CD9: variants seen among roughly 807,000 people sequenced by gnomAD.
The protein encoded by CD9 is CD9 antigen.
A neutral mutation model predicts 31.4 loss-of-function variants in CD9; 10 were observed. That is an observed-to-expected ratio of 0.32 (90% CI 0.20 to 0.54). The LOEUF is 0.54. Among genes scored for constraint, CD9 ranks in the 20% least tolerant of loss-of-function variants. The pLI is 0.94. For missense variants in CD9, 259 were observed against 300.1 expected (o/e 0.86, Z 1.01); for synonymous variants, 113 against 114.1 (o/e 0.99, Z 0.06).
chr12:6,216,715 C>T lies in CD9; in HGVS notation c.67-8711C>T, dbSNP rs1051919788. Among the ~76,000 whole-genome samples, 8 of 152,072 alleles carry T rather than the reference C, an allele frequency of 5.3e-5. No individual in the cohort carries two copies. The South Asian group carries it at 6.2e-4, about 12-fold the overall frequency. ...GAAGCAGATAAGTTTATCCATTTTCCTCCACTACCCAGCGCTCACACAGAC... is the reference window on the plus strand; with the variant it reads ...GAAGCAGATAAGTTTATCCATTTTCTTCCACTACCCAGCGCTCACACAGAC... On this transcript the variant is annotated intron_variant, in intron 1 of 7. Transcript: ENST00000009180.
At chr12:6,218,796 G>A (rs1427438807) in intron 1 of CD9, among the ~76,000 whole-genome samples, 1 of 152,098 alleles carries the variant, frequency 6.6e-6, no homozygotes, top group African/African-American at 2.4e-5. Context: ...GAGTGGGTGT[G>A]GCAAGGGATG....
Position 6,236,154 on chromosome 12 carries a change from G to C in CD9, c.538-38G>C, listed in dbSNP as rs1946520453. On this transcript the variant is annotated intron_variant, in intron 6 of 7. Transcript: ENST00000009180. ...AGGGAGGAGGTGCCCTGGGAGGAAG[G>C]ATTGTGTGTGACCCAGGTCTTGGTT... is the stretch of plus-strand genomic sequence containing the variant. 3 of 1,612,782 alleles carry C rather than the reference G, an allele frequency of 1.9e-6. No homozygotes were observed. In the East Asian group the frequency reaches 6.7e-5, roughly 36 times the overall value.
At chr12:6,224,787 GC>G (rs1946340952) in intron 1 of CD9, among the ~76,000 whole-genome samples, 1 of 152,110 alleles carries the variant, frequency 6.6e-6, no homozygotes, top group African/African-American at 2.4e-5. Flanking sequence ...GCGAGGGGAG[GC>G]CCTGGCATGT....
At chr12:6,235,159 G>T in intron 4 of CD9, 70 bp from the exon 5 acceptor site, 1 of 1,097,350 alleles carries the variant, frequency 9.1e-7, no homozygotes, top group Non-Finnish European at 1.4e-6. Flanking sequence ...AAGATGGAAC[G>T]CATAACATTT....
At chr12:6,213,277 A>C (rs1946210770) in intron 1 of CD9, among the ~76,000 whole-genome samples, 1 of 152,196 alleles carries the variant, frequency 6.6e-6, no homozygotes, top group Non-Finnish European at 1.5e-5. Context: ...TCATGAAACC[A>C]CATCACACAA....
intron 1 of CD9, chr12:6,200,934 C>T (rs1946068398): frequency 1.0e-5 from 2 of 198,620 alleles, no homozygotes; most frequent in Non-Finnish European, 2.0e-5. Context: ...CAGGGAGAAG[C>T]GGAGCACCCC....
At chr12:6,207,045 T>C (rs1946140376) in intron 1 of CD9, among the ~76,000 whole-genome samples, 1 of 152,002 alleles carries the variant, frequency 6.6e-6, no homozygotes, top group Non-Finnish European at 1.5e-5. Flanking sequence ...CACACCACTA[T>C]ACCCGGCTAA....
chr12:6,233,426 C>T lies in CD9; in HGVS notation c.288C>T (p.Leu96=), dbSNP rs989439633. The change falls in exon 4 of 8, where the codon CTC becomes CTT. Residue 96 remains leucine (L), a synonymous_variant. Transcript: ENST00000009180. The stretch of plus-strand genomic sequence containing the variant: ...TTGCCTTCCAGTTCTTCGGCTTCCT[C>T]TTGGTGATATTCGCCATTGAAATAG... ...QCMLGLFFGF[L]LVIFAIEIAA... 12 of 1,614,072 alleles carry T rather than the reference C, an allele frequency of 7.4e-6. No homozygotes were observed. The highest frequency in any genetic ancestry group is 1.7e-5 in the Admixed American group (1 of 60,024).
At position 6,223,332 on chromosome 12, in the gene CD9, G is replaced by A. The variant is rs1011232445; in HGVS notation, c.67-2094G>A. ...GCTGGAGTGCAGTGGCGCAATCTCC[G>A]CTCACTGCAAGCTCCGCCTCCCGGG... On this transcript the variant is annotated intron_variant, in intron 1 of 7. Coordinates refer to ENST00000009180, the MANE Select transcript of CD9 (RefSeq NM_001769.4). Among the ~76,000 whole-genome samples, 25 of 150,266 alleles carry A rather than the reference G, an allele frequency of 1.7e-4. 1 individual carries two copies. The highest frequency in any genetic ancestry group is 1.3e-3 in the Admixed American group (19 of 14,960).
Position 6,237,990 on chromosome 12 carries a change from G to A in CD9, c.*162G>A. On this transcript the variant is annotated 3_prime_UTR_variant, in exon 8 of 8. Transcript: ENST00000009180. ...TAAAAGCTGAAGTTACTTTATGTTT[G>A]TCTTTTAATGCTTCATTCAATATTG... The A allele has an allele frequency of 1.8e-6, 1 of 550,086 alleles. No individual in the cohort carries two copies. Among genetic ancestry groups the A allele is most frequent in the Non-Finnish European group, 3.3e-6 (1 of 304,402 alleles). 34.1% of individuals were successfully genotyped at this position (550,086 alleles called of 1,614,324 possible). A position where few individuals can be genotyped will look rare whatever the true frequency, so the allele number is the denominator to read the frequency against.
intron 1 of CD9, among the ~76,000 whole-genome samples, chr12:6,206,644 C>T (rs1429471599): frequency 1.3e-5 from 2 of 152,046 alleles, no homozygotes; most frequent in Admixed American, 6.6e-5. Flanking sequence ...GGCATGCAGC[C>T]GTAGAAAGCA....
intron 2 of CD9, among the ~76,000 whole-genome samples, chr12:6,228,854 G>A (rs1946404414): frequency 6.6e-6 from 1 of 152,216 alleles, no homozygotes; most frequent in Admixed American, 6.5e-5. Flanking sequence ...CCAACTGTCT[G>A]CAGAGCAACC....
Position 6,237,901 on chromosome 12 carries a change from TTTGTTTG to T in CD9, c.*90_*96del, listed in dbSNP as rs1314354693. 210 of 1,202,918 alleles carry T rather than the reference TTTGTTTG, an allele frequency of 1.7e-4. 3 individuals are homozygous for T. The highest frequency in any genetic ancestry group is 8.1e-4 in the African/African-American group (54 of 67,020). The allele number at this position is 1,202,918 out of a possible 1,614,324, so 74.5% of individuals were successfully genotyped here. On this transcript the variant is annotated 3_prime_UTR_variant, in exon 8 of 8. Transcript: ENST00000009180. ...GGGATTTTTTGTTTGTTTGTTTTGT[TTTGTTTG>T]TTGTTTGTTGTTTGTTTTTTTGCCA...
chr12:6,206,091 GCCTGT>G (rs1230556529), intron 1 of CD9: 1 of 149,524 alleles, frequency 6.7e-6, no homozygotes, highest in Non-Finnish European at 1.5e-5. Flanking sequence ...CTGGGTGAGA[GCCTGT>G]CAGACCCATG....
At chr12:6,215,893 T>C (rs973409402) in intron 1 of CD9, among the ~76,000 whole-genome samples, 1 of 152,216 alleles carries the variant, frequency 6.6e-6, no homozygotes, top group African/African-American at 2.4e-5. Flanking sequence ...GGAGTTTTGG[T>C]TTTCTTGTTC....
intron 2 of CD9, among the ~76,000 whole-genome samples, chr12:6,227,201 T>A (rs1420892584): frequency 4.0e-5 from 6 of 150,736 alleles, no homozygotes; most frequent in Admixed American, 6.6e-5. Context: ...TTTTTATTTT[T>A]TTTATTTTTT....
intron 1 of CD9, among the ~76,000 whole-genome samples, chr12:6,203,023 TAGG>T (rs1235303601): frequency 6.6e-6 from 1 of 152,160 alleles, no homozygotes; most frequent in Admixed American, 6.5e-5. Flanking sequence ...CCCTCATCCC[TAGG>T]AGATGATGTA....
chr12:6,210,502 C>T (rs903961842), intron 1 of CD9, among the ~76,000 whole-genome samples: 11 of 152,196 alleles, frequency 7.2e-5, no homozygotes, highest in Non-Finnish European at 1.3e-4. Flanking sequence ...TGCCCCCAAG[C>T]GAGGCCAGGT....
At chr12:6,200,632 C>G (rs1946064414) in intron 1 of CD9, 67 bp downstream of exon 1, 1 of 1,137,550 alleles carries the variant, frequency 8.8e-7, no homozygotes, top group African/African-American at 1.6e-5. Flanking sequence ...GGACACTGGC[C>G]GCGGCCGCGA....
Sources: allele counts gnomAD v4.1 joint callset (sites outside exome capture counted in the v4.1 genomes callset), GRCh38; gene constraint gnomAD v4.1.1; transcripts MANE v1.5; gene names NCBI Gene and HGNC (gene_info 2026-07-23, HGNC 2026-07-21).